CEP128: variants seen among roughly 807,000 people sequenced by gnomAD.
CEP128 encodes the protein centrosomal protein 128kDa.
A neutral mutation model predicts 156.7 loss-of-function variants in CEP128; 132 were observed. That is an observed-to-expected ratio of 0.84 (90% CI 0.73 to 0.97). The LOEUF is 0.97. Among genes scored for constraint, CEP128 ranks in the 50% least tolerant of loss-of-function variants. The pLI, the probability that CEP128 is intolerant of heterozygous loss-of-function variation, is 0.00. For synonymous variants in CEP128, 469 were observed against 448.9 expected (o/e 1.04, Z -0.57); for missense variants, 1,252 against 1,281.9 (o/e 0.98, Z 0.36).
chr14:80,714,749 C>T (rs532311832), intron 19 of CEP128, among the ~76,000 whole-genome samples: 1 of 151,304 alleles, frequency 6.6e-6, no homozygotes, highest in Admixed American at 6.6e-5. Flanking sequence ...CCATACCCGA[C>T]AATAATAAAA....
intron 13 of CEP128, among the ~76,000 whole-genome samples, chr14:80,825,451 C>T (rs961897518): frequency 1.3e-5 from 2 of 152,112 alleles, no homozygotes; most frequent in South Asian, 2.1e-4. Context: ...GAAATTATTA[C>T]GGTTTCAGAA....
chr14:80,498,025 G>A (rs138626976), intron 24 of CEP128, among the ~76,000 whole-genome samples: 11 of 152,182 alleles, frequency 7.2e-5, no homozygotes, highest in East Asian at 3.9e-4. Flanking sequence ...CCTACTCCTC[G>A]TCTGAGCTAT....
At chr14:80,540,119 C>A (rs1165805370) in intron 21 of CEP128, among the ~76,000 whole-genome samples, 3 of 151,708 alleles carry the variant, frequency 2.0e-5, no homozygotes, top group African/African-American at 7.3e-5. Context: ...AGCATGTGAT[C>A]TTTGTTAGAC....
intron 8 of CEP128, among the ~76,000 whole-genome samples, chr14:80,883,028 T>C (rs959227625): frequency 3.3e-5 from 5 of 152,076 alleles, no homozygotes; most frequent in African/African-American, 1.2e-4. Context: ...ATTGTACATT[T>C]TAAAATAACT....
chr14:80,667,487 A>C (rs931647491), intron 19 of CEP128, among the ~76,000 whole-genome samples: 3 of 152,226 alleles, frequency 2.0e-5, no homozygotes, highest in Non-Finnish European at 4.4e-5. Context: ...AACAATAAAA[A>C]TGAGTTTTTG....
chr14:80,749,315 G>A (rs757040391), intron 18 of CEP128, among the ~76,000 whole-genome samples: 2 of 152,200 alleles, frequency 1.3e-5, no homozygotes, highest in African/African-American at 2.4e-5. Context: ...TCAGGATAGC[G>A]ATGTCTGCGC....
intron 9 of CEP128, among the ~76,000 whole-genome samples, chr14:80,852,473 A>G (rs1453576540): frequency 6.6e-6 from 1 of 151,966 alleles, no homozygotes; most frequent in Non-Finnish European, 1.5e-5. Flanking sequence ...AGCCTAAAAA[A>G]TAAAACAGAA....
At chr14:80,593,362 C>A (rs912181172) in intron 19 of CEP128, among the ~76,000 whole-genome samples, 2 of 151,646 alleles carry the variant, frequency 1.3e-5, no homozygotes, top group African/African-American at 4.8e-5. Context: ...ATGGTGAAAC[C>A]CCATCTCTAC....
chr14:80,703,565 T>A (rs2139373047), intron 19 of CEP128, among the ~76,000 whole-genome samples: 1 of 152,164 alleles, frequency 6.6e-6, no homozygotes, highest in Non-Finnish European at 1.5e-5. Flanking sequence ...GATTTTCTTA[T>A]AATAGTAATT....
At chr14:80,750,130 G>A (rs760087164) in intron 18 of CEP128, among the ~76,000 whole-genome samples, 13 of 152,190 alleles carry the variant, frequency 8.5e-5, no homozygotes, top group Non-Finnish European at 1.8e-4. Flanking sequence ...GATGGCAAAT[G>A]TGAGTAATCA....
chr14:80,849,517 A>G (rs1426506571), intron 9 of CEP128, among the ~76,000 whole-genome samples: 1 of 152,210 alleles, frequency 6.6e-6, no homozygotes, highest in Non-Finnish European at 1.5e-5. Flanking sequence ...TGAAATAATG[A>G]GGTTATAGTT....
At chr14:80,523,920 T>C (rs1297731338) in intron 23 of CEP128, among the ~76,000 whole-genome samples, 3 of 152,228 alleles carry the variant, frequency 2.0e-5, no homozygotes, top group African/African-American at 7.2e-5. Flanking sequence ...ATATGGTTTC[T>C]GTAGCAACTA....
chr14:80,545,867 T>C lies in CEP128; in HGVS notation c.2880+13412A>G, dbSNP rs180831873. ...ATAAATCAGTGATTCTCAACCATAG[T>C]TGTACATTACAATCATCTGGCAAGC... On this transcript the variant is annotated intron_variant, in intron 21 of 24. Coordinates refer to ENST00000555265, the MANE Select transcript of CEP128 (RefSeq NM_152446.5). Among the ~76,000 whole-genome samples, 257 of 152,338 alleles carry C rather than the reference T, an allele frequency of 1.7e-3. 1 individual carries two copies. The highest frequency in any genetic ancestry group is 5.7e-3 in the African/African-American group (239 of 41,582).
chr14:80,795,206 G>A (rs1031208475), intron 13 of CEP128, among the ~76,000 whole-genome samples: 3 of 152,092 alleles, frequency 2.0e-5, no homozygotes, highest in African/African-American at 7.2e-5. Flanking sequence ...GTCACCCACT[G>A]CCATGGTTTT....
intron 19 of CEP128, among the ~76,000 whole-genome samples, chr14:80,647,555 A>G (rs1391235585): frequency 6.6e-6 from 1 of 152,090 alleles, no homozygotes; most frequent in African/African-American, 2.4e-5. Flanking sequence ...TAAATAAGGC[A>G]ATGACTATCA....
At chr14:80,523,857 G>T (rs923636235) in intron 23 of CEP128, among the ~76,000 whole-genome samples, 3 of 152,200 alleles carry the variant, frequency 2.0e-5, no homozygotes, top group Non-Finnish European at 4.4e-5. Context: ...CCAGAGGTTG[G>T]AAAACTTTTT....
chr14:80,954,883 T>G (rs1049500404), intron 2 of CEP128: 1 of 152,554 alleles, frequency 6.6e-6, no homozygotes, highest in African/African-American at 2.4e-5. Context: ...TAAGGGAACC[T>G]GGAATTATTT....
chr14:80,495,598 A>G (rs1448405113), downstream of CEP128, among the ~76,000 whole-genome samples: 3 of 151,714 alleles, frequency 2.0e-5, no homozygotes, highest in Admixed American at 2.0e-4. Flanking sequence ...ACTGGCTACT[A>G]TGTTTTCAAG....
chr14:80,824,478 C>T (rs1705722454), intron 13 of CEP128, among the ~76,000 whole-genome samples: 1 of 152,194 alleles, frequency 6.6e-6, no homozygotes, highest in Non-Finnish European at 1.5e-5. Flanking sequence ...CCTTTAACAG[C>T]ACCCAAGTCA....
Sources: allele counts gnomAD v4.1 joint callset (sites outside exome capture counted in the v4.1 genomes callset), GRCh38; gene constraint gnomAD v4.1.1; transcripts MANE v1.5; gene names NCBI Gene and HGNC (gene_info 2026-07-23, HGNC 2026-07-21).